The following SLC25A48 variants were observed in gnomAD, a reference collection of about 807,000 sequenced individuals.
The protein encoded by SLC25A48 is solute carrier family 25 member 48.
In SLC25A48, 29 loss-of-function variants were observed where a neutral mutation model predicts 32.2. The ratio of observed to expected loss-of-function variants is 0.90; its 90% confidence interval spans 0.67 to 1.23. SLC25A48 has a LOEUF of 1.23. Among genes scored for constraint, SLC25A48 ranks in the 50% most tolerant of loss-of-function variants. The probability of loss-of-function intolerance (pLI) is 0.00; values close to 1 mark genes in which losing one functional copy is unlikely to be tolerated. For missense variants in SLC25A48, 399 were observed against 422.7 expected, an observed-to-expected ratio of 0.94 and a Z score of 0.49; for synonymous variants, 164 against 172.3, an observed-to-expected ratio of 0.95 and a Z score of 0.38.
intron 3 of SLC25A48, among the ~76,000 whole-genome samples, chr5:135,852,011 C>G (rs1488554657): frequency 6.6e-6 from 1 of 152,194 alleles, no homozygotes; most frequent in African/African-American, 2.4e-5. Flanking sequence ...GAACCCCTGT[C>G]TTACACCACA....
intron 1 of SLC25A48, among the ~76,000 whole-genome samples, chr5:135,626,937 G>T (rs942359758): frequency 1.3e-4 from 20 of 152,178 alleles, no homozygotes; most frequent in Admixed American, 2.6e-4. Context: ...ACCCACCTTG[G>T]CCTGCTGGTT....
At chr5:135,794,094 AAG>A (rs1757102772) in intron 3 of SLC25A48, among the ~76,000 whole-genome samples, 1 of 151,888 alleles carries the variant, frequency 6.6e-6, no homozygotes, top group African/African-American at 2.4e-5. Context: ...TATCTAGGGA[AAG>A]AGAGAATGAT....
intron 1 of SLC25A48, among the ~76,000 whole-genome samples, chr5:135,605,131 T>G (rs1751903142): frequency 6.6e-6 from 1 of 152,260 alleles, no homozygotes; most frequent in South Asian, 2.1e-4. Context: ...CTTATATAAT[T>G]TGTAATAATG....
intron 3 of SLC25A48, among the ~76,000 whole-genome samples, chr5:135,689,986 G>A (rs757971423): frequency 2.6e-5 from 4 of 152,144 alleles, no homozygotes; most frequent in Non-Finnish European, 5.9e-5. Context: ...GGAGCAAGGG[G>A]CGCTGAGGAA....
chr5:135,596,617 G>A lies in SLC25A48; in HGVS notation c.-849+17020G>A, dbSNP rs188376736. The stretch of plus-strand genomic sequence containing the variant: ...AATGAGCAGAGGTGCTCAGTTGTCC[G>A]TGGGGCTGCTGAGGAGCGAGTGGTT... On this transcript the variant is annotated intron_variant, in intron 1 of 10. Transcript: ENST00000646290. 9.7e-3 allele frequency among the ~76,000 whole-genome samples: 1,482 copies of A among 152,274 alleles called. 16 individuals carry two copies. Among genetic ancestry groups the A allele is most frequent in the African/African-American group, 0.034 (1,401 of 41,558 alleles).
At chr5:135,816,457 C>T (rs1263070056) in intron 4 of SLC25A48, among the ~76,000 whole-genome samples, 1 of 152,142 alleles carries the variant, frequency 6.6e-6, no homozygotes, top group Admixed American at 6.5e-5. Context: ...ATTTGAATTC[C>T]AGCCCTGCCA....
At chr5:135,608,576 C>A (rs1751994363) in intron 1 of SLC25A48, among the ~76,000 whole-genome samples, 1 of 152,226 alleles carries the variant, frequency 6.6e-6, no homozygotes, top group African/African-American at 2.4e-5. Flanking sequence ...TGTCTTCTCC[C>A]CCTTCCAGCC....
At chr5:135,819,955 A>G (rs1391512816) in intron 4 of SLC25A48, among the ~76,000 whole-genome samples, 1 of 152,180 alleles carries the variant, frequency 6.6e-6, no homozygotes, top group Non-Finnish European at 1.5e-5. Flanking sequence ...TTTACACATT[A>G]CTGTTGGGAA....
intron 3 of SLC25A48, among the ~76,000 whole-genome samples, chr5:135,725,901 TG>T (rs1755078250): frequency 6.6e-6 from 1 of 150,838 alleles, no homozygotes. Context: ...AACTCCACTG[TG>T]GTTATTTAAT....
chr5:135,834,410 A>G (rs1161093563), upstream of SLC25A48, among the ~76,000 whole-genome samples: 3 of 152,242 alleles, frequency 2.0e-5, no homozygotes, highest in Non-Finnish European at 2.9e-5. Flanking sequence ...CAGCATTGTC[A>G]GCACAGCACA....
At chr5:135,579,587 A>T (rs1029239345) in exon 1 of SLC25A48, 2 of 152,284 alleles carry the variant, frequency 1.3e-5, no homozygotes, top group African/African-American at 4.8e-5. Context: ...ACTGGAACTG[A>T]CTCAAAGAGG....
chr5:135,723,607 C>G (rs533425724), intron 3 of SLC25A48, among the ~76,000 whole-genome samples: 1 of 151,472 alleles, frequency 6.6e-6, no homozygotes, highest in East Asian at 1.9e-4. Context: ...TTTAATCACT[C>G]CTAATCCCAT....
intron 3 of SLC25A48, among the ~76,000 whole-genome samples, chr5:135,716,239 A>G (rs1338109663): frequency 1.3e-5 from 2 of 152,264 alleles, no homozygotes; most frequent in African/African-American, 2.4e-5. Context: ...CAGGATCACC[A>G]TCAGGGAAGA....
intron 3 of SLC25A48, among the ~76,000 whole-genome samples, chr5:135,724,466 G>T (rs1222703515): frequency 6.6e-6 from 1 of 152,220 alleles, no homozygotes; most frequent in Non-Finnish European, 1.5e-5. Flanking sequence ...TTGGTCTAAA[G>T]CTCGCAAGAT....
At chr5:135,682,796 A>G (rs569563676) in intron 3 of SLC25A48, among the ~76,000 whole-genome samples, 49 of 152,338 alleles carry the variant, frequency 3.2e-4, no homozygotes, top group African/African-American at 1.0e-3. Context: ...TAATAATTCA[A>G]TCTGGGGGAG....
chr5:135,881,472 C>T (rs1762469753), intron 7 of SLC25A48, among the ~76,000 whole-genome samples: 1 of 152,182 alleles, frequency 6.6e-6, no homozygotes, highest in African/African-American at 2.4e-5. Context: ...CCACTTTTTG[C>T]TAAAGTGGCA....
chr5:135,873,236 C>G (rs892789529), intron 5 of SLC25A48, among the ~76,000 whole-genome samples: 2 of 152,186 alleles, frequency 1.3e-5, no homozygotes, highest in African/African-American at 4.8e-5. Flanking sequence ...AGCTACTGCG[C>G]AGCAATTACA....
chr5:135,830,702 G>A (rs867478229), upstream of SLC25A48, among the ~76,000 whole-genome samples: 5 of 152,346 alleles, frequency 3.3e-5, no homozygotes, highest in East Asian at 3.9e-4. Flanking sequence ...CAGAGCTCCC[G>A]TTGTCTGAGG....
At chr5:135,841,711 G>C (rs1759008255) in intron 1 of SLC25A48, among the ~76,000 whole-genome samples, 3 of 146,520 alleles carry the variant, frequency 2.0e-5, no homozygotes, top group Admixed American at 6.8e-5. Flanking sequence ...ATGTGTGGGT[G>C]GGGGGTATAA....
Sources: allele counts gnomAD v4.1 joint callset (sites outside exome capture counted in the v4.1 genomes callset), GRCh38; gene constraint gnomAD v4.1.1; transcripts MANE v1.5; gene names NCBI Gene and HGNC (gene_info 2026-07-23, HGNC 2026-07-21).